Variants in GID4 observed in about 807,000 individuals in gnomAD.
The protein encoded by GID4 is GID complex subunit 4 homolog.
Under a neutral mutation model 32.4 loss-of-function variants are expected in GID4, and 7 were observed. That is an observed-to-expected ratio of 0.22 (90% confidence interval 0.12 to 0.41). The LOEUF (loss-of-function observed/expected upper bound fraction) is 0.41, where lower values mean the gene tolerates loss of function less well. Among genes scored for constraint, GID4 ranks in the 10% least tolerant of loss-of-function variants. GID4 has a pLI of 1.00. For synonymous variants in GID4, 166 were observed against 170.0 expected, an observed-to-expected ratio of 0.98 and a Z score of 0.18; for missense variants, 309 against 400.0, an observed-to-expected ratio of 0.77 and a Z score of 1.94.
intron 1 of GID4, among the ~76,000 whole-genome samples, chr17:18,040,187 C>T (rs1317870304): frequency 6.6e-6 from 1 of 152,176 alleles, no homozygotes; most frequent in African/African-American, 2.4e-5. Context: ...ATCCGGAAGC[C>T]CCTCATGACT....
At chr17:18,048,509 T>A (rs531935761) in intron 2 of GID4, among the ~76,000 whole-genome samples, 22 of 152,294 alleles carry the variant, frequency 1.4e-4, no homozygotes, top group Admixed American at 1.3e-3. Flanking sequence ...CTTTTAAAAT[T>A]ATAAGTCTAG....
chr17:18,051,269 G>C (rs949409715), intron 2 of GID4, among the ~76,000 whole-genome samples: 3 of 152,024 alleles, frequency 2.0e-5, no homozygotes, highest in Admixed American at 1.3e-4. Context: ...GCCCCCTAGA[G>C]TGCTGGCATT....
At chr17:18,054,282 T>C (rs758841811) in intron 3 of GID4, 48 bp downstream of exon 3, 10 of 1,168,766 alleles carry the variant, frequency 8.6e-6, no homozygotes, top group Admixed American at 7.6e-5. Context: ...TGCTAGAGAA[T>C]TGAAGAAATG....
At position 18,046,833 on chromosome 17, in the gene GID4, G is replaced by A. The variant is rs533350015; in HGVS notation, c.498+1627G>A. 2.7e-4 allele frequency among the ~76,000 whole-genome samples: 41 copies of A among 151,142 alleles called. 1 individual carries two copies. In the South Asian group the frequency reaches 8.6e-3, roughly 32 times the overall value. The stretch of plus-strand genomic sequence containing the variant: ...GCTACTCAGGAGGCTGAGGCAGGAG[G>A]ATCGCTTGAACCCGGGAGGCGGAGG... On this transcript the variant is annotated intron_variant, in intron 2 of 5. Transcript: ENST00000268719.
At chr17:18,057,154 A>G in intron 3 of GID4, 3 of 1,253,502 alleles carry the variant, frequency 2.4e-6, no homozygotes, top group East Asian at 5.1e-5. Flanking sequence ...ATGTGACACC[A>G]GGTGTGGTGG....
At chr17:18,054,292 G>T (rs2044943416) in intron 3 of GID4, 58 bp downstream of exon 3, 1 of 1,095,962 alleles carries the variant, frequency 9.1e-7, no homozygotes, top group South Asian at 1.4e-5. Flanking sequence ...TTGAAGAAAT[G>T]CTGGGAGCCA....
chr17:18,068,367 A>G lies in GID4; in HGVS notation c.*3124A>G, dbSNP rs965554384. On this transcript the variant is annotated 3_prime_UTR_variant, in exon 6 of 6. Coordinates refer to ENST00000268719, the MANE Select transcript of GID4 (RefSeq NM_024052.5). ...TATTTTGCAGAGCTATCAATGTCCA[A>G]ATAATTTAAAAAAAAAAATAAAGGT... 3.8e-5 allele frequency: 4 copies of G among 104,256 alleles called. No homozygotes were observed. Among genetic ancestry groups the G allele is most frequent in the Non-Finnish European group, 9.3e-5 (4 of 43,028 alleles). The allele number at this position is 104,256 out of a possible 1,614,324, so 6.5% of individuals were successfully genotyped here.
intron 2 of GID4, 48 bp downstream of exon 2, chr17:18,045,254 T>A: frequency 6.2e-6 from 9 of 1,454,576 alleles, no homozygotes; most frequent in South Asian, 1.1e-5. Context: ...TGTGGTGTGC[T>A]CCACAGGCTC....
At chr17:18,048,549 G>A (rs902273558) in intron 2 of GID4, among the ~76,000 whole-genome samples, 25 of 152,312 alleles carry the variant, frequency 1.6e-4, no homozygotes, top group African/African-American at 2.4e-5. Context: ...ATAGTAAAAT[G>A]CAGAAAACTA....
intron 5 of GID4, among the ~76,000 whole-genome samples, chr17:18,063,509 C>T (rs1046900222): frequency 6.6e-6 from 1 of 152,164 alleles, no homozygotes; most frequent in African/African-American, 2.4e-5. Context: ...AAACCCCATA[C>T]CCTTAGCCAT....
chr17:18,059,071 T>C, intron 4 of GID4, 102 bp downstream of exon 4: 1 of 673,532 alleles, frequency 1.5e-6, no homozygotes, highest in Non-Finnish European at 2.7e-6. Flanking sequence ...CCAGTGCTCG[T>C]CACAGCTGGT....
chr17:18,054,117 T>C lies in GID4; in HGVS notation c.499-10T>C. 6.7e-7 allele frequency: 1 copy of C among 1,486,370 alleles called. No individual in the cohort carries two copies. The highest frequency in any genetic ancestry group is 9.3e-7 in the Non-Finnish European group (1 of 1,071,158). The allele number at this position is 1,486,370 out of a possible 1,614,324, so 92.1% of individuals were successfully genotyped here. ...AACATCTTATTTTGATATTTGGGTT[T>C]TTACCATAGGAGTATCCAACCCTTA... On this transcript the variant is annotated splice_polypyrimidine_tract_variant and intron_variant, in intron 2 of 5. Transcript: ENST00000268719.
At chr17:18,060,822 G>A (rs568321907) in intron 4 of GID4, among the ~76,000 whole-genome samples, 123 of 152,008 alleles carry the variant, frequency 8.1e-4, no homozygotes, top group Non-Finnish European at 1.6e-3. Flanking sequence ...CAACCTCCCC[G>A]TCCCGTGTTC....
In GID4 at chr17:18,055,527, C is replaced by T. The variant is rs560621323; in HGVS notation, c.606+1293C>T. Among the ~76,000 whole-genome samples, 91 of 152,186 alleles carry T rather than the reference C, an allele frequency of 6.0e-4. 1 individual carries two copies. The highest frequency in any genetic ancestry group is 1.0e-3 in the Non-Finnish European group (69 of 67,978). On this transcript the variant is annotated intron_variant, in intron 3 of 5. Coordinates refer to ENST00000268719, the MANE Select transcript of GID4 (RefSeq NM_024052.5). ...TTTTAGAGTTGGGGTCTTGCTCTGT[C>T]GTCTATGCTGGAGTGCAGTGGCATG...
rs201337766 is a variant in GID4, at chr17:18,057,803, GA to G, written c.607-1055del. On this transcript the variant is annotated intron_variant, in intron 3 of 5. Coordinates refer to ENST00000268719, the MANE Select transcript of GID4 (RefSeq NM_024052.5). ...AACCAGCCACAGTTTGAAAATATTTGAAAAAAAAAATTGCATCTGTACTGAT... is the reference window on the plus strand; with the variant it reads ...AACCAGCCACAGTTTGAAAATATTTGAAAAAAAAATTGCATCTGTACTGAT... Among the ~76,000 whole-genome samples the G allele has an allele frequency of 8.4e-4, 124 of 147,320 alleles. No homozygotes were observed. The Middle Eastern group carries it at 0.014, about 17-fold the overall frequency.
intron 3 of GID4, among the ~76,000 whole-genome samples, chr17:18,058,112 C>T (rs933103960): frequency 2.0e-5 from 3 of 152,190 alleles, no homozygotes; most frequent in Non-Finnish European, 4.4e-5. Flanking sequence ...GGATTACAGG[C>T]GTGAGCCCCC....
chr17:18,068,145 A>AT lies in GID4; in HGVS notation c.*2907dup, dbSNP rs1158412460. The AT allele has an allele frequency of 2.6e-5, 4 of 152,648 alleles. No individual in the cohort carries two copies. The highest frequency in any genetic ancestry group is 5.9e-5 in the Non-Finnish European group (4 of 68,052). 9.5% of individuals were successfully genotyped at this position (152,648 alleles called of 1,614,324 possible). On this transcript the variant is annotated 3_prime_UTR_variant, in exon 6 of 6. Coordinates refer to ENST00000268719, the MANE Select transcript of GID4 (RefSeq NM_024052.5). ...TCTCATAAAATAGTCTGATAAGCTA[A>AT]TTTTTAAAAAGAAATGCCATTAACT... is the stretch of plus-strand genomic sequence containing the variant.
intron 1 of GID4, among the ~76,000 whole-genome samples, chr17:18,044,356 C>T (rs990093339): frequency 1.3e-5 from 2 of 152,150 alleles, no homozygotes; most frequent in Non-Finnish European, 2.9e-5. Context: ...TGGACCCTGC[C>T]AGCGTGAAAA....
chr17:18,054,059 T>C (rs2145563899), intron 2 of GID4, 68 bp from the exon 3 acceptor site: 1 of 847,408 alleles, frequency 1.2e-6, no homozygotes, highest in Non-Finnish European at 1.9e-6. Flanking sequence ...AAAGTTTATT[T>C]TTCCTTTGTA....
Sources: gnomAD v4.1 joint callset for allele counts (sites outside exome capture counted in the v4.1 genomes callset) on GRCh38, gnomAD v4.1.1 for gene constraint, MANE v1.5 for transcripts, NCBI Gene and HGNC (gene_info 2026-07-23, HGNC 2026-07-21) for gene names.